Variants in CTDSP2 observed in about 807,000 individuals in gnomAD.
The protein encoded by CTDSP2 is carboxy-terminal domain RNA polymerase II polypeptide A small phosphatase 2.
In CTDSP2, 9 loss-of-function variants were observed where a neutral mutation model predicts 31.6. The observed-to-expected ratio is 0.28, with a 90% CI of 0.17 to 0.50. The LOEUF is 0.50. CTDSP2 is among the 20% of genes least tolerant of loss of function. CTDSP2 has a pLI of 0.98. For synonymous variants in CTDSP2, 134 were observed against 134.5 expected (o/e 1.00, Z 0.03); for missense variants, 267 against 348.5 (o/e 0.77, Z 1.86).
chr12:57,829,162 C>T (rs1227035071), intron 2 of CTDSP2, among the ~76,000 whole-genome samples: 3 of 152,208 alleles, frequency 2.0e-5, no homozygotes, highest in Admixed American at 2.0e-4. Context: ...GGCTGGATCA[C>T]ATGAGACAAT....
intron 1 of CTDSP2, chr12:57,845,390 C>T (rs771084454): frequency 6.6e-5 from 10 of 152,184 alleles, no homozygotes; most frequent in Non-Finnish European, 1.3e-4. Context: ...GTTCCACCCT[C>T]GGGCCCCAGC....
intron 1 of CTDSP2, among the ~76,000 whole-genome samples, chr12:57,830,647 G>A (rs1388371306): frequency 6.6e-6 from 1 of 152,180 alleles, no homozygotes; most frequent in African/African-American, 2.4e-5. Flanking sequence ...ACACACATTC[G>A]CAGCCTCAGG....
intron 5 of CTDSP2, among the ~76,000 whole-genome samples, chr12:57,824,926 A>AC (rs1014777341): frequency 8.6e-5 from 13 of 151,566 alleles, no homozygotes; most frequent in Admixed American, 6.6e-4. Flanking sequence ...TGGCCACCTG[A>AC]CCCCCCATCG....
chr12:57,846,114 C>G (rs1401326932), intron 1 of CTDSP2, among the ~76,000 whole-genome samples: 1 of 152,202 alleles, frequency 6.6e-6, no homozygotes, highest in African/African-American at 2.4e-5. Context: ...GTCTCTCAGC[C>G]CCGAGGGGGA....
chr12:57,839,937 A>G (rs1956272588), intron 1 of CTDSP2, among the ~76,000 whole-genome samples: 2 of 152,054 alleles, frequency 1.3e-5, no homozygotes, highest in Admixed American at 6.6e-5. Flanking sequence ...CAAGTACTCT[A>G]TAAATATTGG....
chr12:57,837,555 G>A (rs1956255631), intron 1 of CTDSP2, among the ~76,000 whole-genome samples: 1 of 152,036 alleles, frequency 6.6e-6, no homozygotes, highest in Non-Finnish European at 1.5e-5. Context: ...GCAGGGTATG[G>A]TAGTGAGCTC....
At chr12:57,826,300 A>C in intron 5 of CTDSP2, 46 bp downstream of exon 5, 2 of 1,589,642 alleles carry the variant, frequency 1.3e-6, no homozygotes, top group Non-Finnish European at 1.7e-6. Flanking sequence ...GGCAGAAGGC[A>C]GACCCCCCAC....
intron 4 of CTDSP2, among the ~76,000 whole-genome samples, 160 bp downstream of exon 4, chr12:57,826,836 C>G (rs980993015): frequency 2.0e-5 from 3 of 152,214 alleles, no homozygotes; most frequent in African/African-American, 7.2e-5. Context: ...AGTGGGGCCT[C>G]TAGATACCTG....
chr12:57,828,141 C>T (rs567199682), intron 2 of CTDSP2, among the ~76,000 whole-genome samples: 28 of 152,264 alleles, frequency 1.8e-4, no homozygotes, highest in South Asian at 8.3e-4. Context: ...TTATGACCGC[C>T]GGGCGCAGTG....
chr12:57,823,831 T>G, intron 7 of CTDSP2, 73 bp downstream of exon 7: 1 of 1,608,106 alleles, frequency 6.2e-7, no homozygotes, highest in South Asian at 1.1e-5. Flanking sequence ...GGTGTACTTC[T>G]CTGGTGGAGC....
At position 57,822,203 on chromosome 12, in the gene CTDSP2, G is replaced by A. The variant is rs749652892; in HGVS notation, c.*1399C>T. 2 of 152,554 alleles carry A rather than the reference G, an allele frequency of 1.3e-5. No individual in the cohort carries two copies. Among genetic ancestry groups the A allele is most frequent in the African/African-American group, 2.4e-5 (1 of 41,424 alleles). 9.5% of individuals were successfully genotyped at this position (152,554 alleles called of 1,614,324 possible). A position where few individuals can be genotyped will look rare whatever the true frequency, so the allele number is the denominator to read the frequency against. ...GGGGCTCCTTTTTGGGAGGCCCCTT[G>A]TGCTCCCAATTACAGCAGCACTTCC... On this transcript the variant is annotated 3_prime_UTR_variant, in exon 8 of 8. Transcript: ENST00000398073.
At chr12:57,839,505 TC>T (rs1218043900) in intron 1 of CTDSP2, among the ~76,000 whole-genome samples, 1 of 152,064 alleles carries the variant, frequency 6.6e-6, no homozygotes, top group East Asian at 1.9e-4. Flanking sequence ...GATCATGAGG[TC>T]AGGAGATCAA....
At chr12:57,833,667 G>C (rs867826801) in intron 1 of CTDSP2, among the ~76,000 whole-genome samples, 1 of 152,248 alleles carries the variant, frequency 6.6e-6, no homozygotes, top group Non-Finnish European at 1.5e-5. Flanking sequence ...CTGGTTGAGT[G>C]AATGACTCCA....
At chr12:57,830,400 AAAAC>A (rs770665418) in intron 1 of CTDSP2, among the ~76,000 whole-genome samples, 197 of 151,862 alleles carry the variant, frequency 1.3e-3, no homozygotes, top group Middle Eastern at 3.4e-3. Flanking sequence ...AACAACAACA[AAAAC>A]AAACAAACAA....
rs1956319245 is a variant in CTDSP2 at position 57,846,603 on chromosome 12, G to C, written c.-168C>G. 1 of 575,276 alleles carries C rather than the reference G, an allele frequency of 1.7e-6. No homozygotes were observed. Among genetic ancestry groups the C allele is most frequent in the Admixed American group, 4.3e-5 (1 of 23,058 alleles). The allele number at this position is 575,276 out of a possible 1,614,324, so 35.6% of individuals were successfully genotyped here. Reference sequence around the variant, plus strand: ...TCCTCCCCGGACCGGGAAGGGAGGCGGCCTGTACAAAGGGCGGGCGGCCCG... The same window carrying C: ...TCCTCCCCGGACCGGGAAGGGAGGCCGCCTGTACAAAGGGCGGGCGGCCCG... On this transcript the variant is annotated 5_prime_UTR_variant, in exon 1 of 8. Transcript: ENST00000398073.
At chr12:57,831,239 T>G (rs1956213939) in intron 1 of CTDSP2, among the ~76,000 whole-genome samples, 1 of 151,898 alleles carries the variant, frequency 6.6e-6, no homozygotes, top group African/African-American at 2.4e-5. Flanking sequence ...GTGGATCACT[T>G]GAGGTCAGGA....
chr12:57,838,128 T>C (rs1320971056), intron 1 of CTDSP2, among the ~76,000 whole-genome samples: 1 of 152,052 alleles, frequency 6.6e-6, no homozygotes, highest in Non-Finnish European at 1.5e-5. Context: ...TGGGTTGGGG[T>C]GGGCCTCCAT....
Position 57,846,455 on chromosome 12 carries a change from G to A in CTDSP2, c.-20C>T. Reference sequence around the variant, plus strand: ...TTCCATCTAACAATCCCGCGGGCCCGGGCTGGCTGGGCGGGAGGACGGGCG... The same window carrying A: ...TTCCATCTAACAATCCCGCGGGCCCAGGCTGGCTGGGCGGGAGGACGGGCG... On this transcript the variant is annotated 5_prime_UTR_variant, in exon 1 of 8. Coordinates refer to ENST00000398073, the MANE Select transcript of CTDSP2 (RefSeq NM_005730.4). 3 of 1,563,444 alleles carry A rather than the reference G, an allele frequency of 1.9e-6. No individual in the cohort carries two copies. Among genetic ancestry groups the A allele is most frequent in the Non-Finnish European group, 2.6e-6 (3 of 1,156,024 alleles).
In CTDSP2 at chr12:57,846,059, G is replaced by A. The variant is rs530630828; in HGVS notation, c.64+313C>T. ...TGACGACCCCACCCCCAACTCCGGA[G>A]GCGGTGGACGCGGAGTGGCCCAGTG... is the stretch of plus-strand genomic sequence containing the variant. On this transcript the variant is annotated intron_variant, in intron 1 of 7. Coordinates refer to ENST00000398073, the MANE Select transcript of CTDSP2 (RefSeq NM_005730.4). Among the ~76,000 whole-genome samples the A allele has an allele frequency of 3.5e-4, 54 of 152,324 alleles. 1 individual carries two copies. The highest frequency in any genetic ancestry group is 3.1e-3 in the Admixed American group (47 of 15,310).
Sources: gnomAD v4.1 joint callset for allele counts (sites outside exome capture counted in the v4.1 genomes callset) on GRCh38, gnomAD v4.1.1 for gene constraint, MANE v1.5 for transcripts, NCBI Gene and HGNC (gene_info 2026-07-23, HGNC 2026-07-21) for gene names.